The following CUL3 variants were observed in gnomAD, a reference collection of about 807,000 sequenced individuals.
CUL3 encodes cullin-3.
In CUL3, 19 loss-of-function variants were observed where a neutral mutation model predicts 89.1. The ratio of observed to expected loss-of-function variants is 0.21; its 90% CI spans 0.15 to 0.31. CUL3 has a LOEUF of 0.31. CUL3 is among the 10% of genes least tolerant of loss of function. The pLI is 1.00. For synonymous variants in CUL3, 351 were observed against 308.4 expected, an observed-to-expected ratio of 1.14 and a Z score of -1.45; for missense variants, 469 against 942.3, an observed-to-expected ratio of 0.50 and a Z score of 6.58.
intron 3 of CUL3, among the ~76,000 whole-genome samples, chr2:224,534,180 T>C (rs1034378854): frequency 3.9e-5 from 6 of 152,230 alleles, no homozygotes; most frequent in Non-Finnish European, 7.3e-5. Context: ...CGTCATTCTA[T>C]AGCACCAAAT....
chr2:224,505,488 T>C (rs116586035), intron 8 of CUL3, among the ~76,000 whole-genome samples: 1 of 152,086 alleles, frequency 6.6e-6, no homozygotes, highest in Non-Finnish European at 1.5e-5. Context: ...CAGCATAGAG[T>C]GCAGTCACGC....
chr2:224,511,212 A>G (rs1462402360), intron 6 of CUL3, 142 bp downstream of exon 6: 1 of 585,050 alleles, frequency 1.7e-6, no homozygotes, highest in Non-Finnish European at 3.0e-6. Context: ...AAATCCCATT[A>G]AAGTTAACAA....
At chr2:224,560,785 T>TCACAACTCTCAAATGAGTTCTCATTTCCC (rs1233187180) in intron 1 of CUL3, 5 of 152,250 alleles carry the variant, frequency 3.3e-5, no homozygotes, top group African/African-American at 1.2e-4. Context: ...ACTCATTTGC[T>TCACAACTCTCAAATGAGTTCTCATTTCCC]CACAACTCTC....
intron 14 of CUL3, chr2:224,479,440 T>A (rs1691448038): frequency 6.7e-6 from 1 of 149,954 alleles, no homozygotes; most frequent in Non-Finnish European, 1.5e-5. Flanking sequence ...CATGAAAAAA[T>A]AAAAAGATAG....
chr2:224,540,321 G>A (rs1694056404), intron 2 of CUL3, among the ~76,000 whole-genome samples: 1 of 151,888 alleles, frequency 6.6e-6, no homozygotes, highest in Non-Finnish European at 1.5e-5. Flanking sequence ...GCCTCCCAAG[G>A]TGCTGGGATT....
chr2:224,502,855 T>C, intron 10 of CUL3, 110 bp downstream of exon 10: 1 of 722,758 alleles, frequency 1.4e-6, no homozygotes, highest in Non-Finnish European at 2.4e-6. Flanking sequence ...ACACATGTTG[T>C]CACTAATGAC....
At chr2:224,554,271 G>A (rs1694622667) in intron 2 of CUL3, among the ~76,000 whole-genome samples, 1 of 152,068 alleles carries the variant, frequency 6.6e-6, no homozygotes, top group Non-Finnish European at 1.5e-5. Flanking sequence ...AAGTCTCTTC[G>A]TCTCGTTTTC....
At position 224,506,365 on chromosome 2, in the gene CUL3, G is replaced by C. The variant is rs371056159; in HGVS notation, c.1030-233C>G. 6.6e-5 allele frequency among the ~76,000 whole-genome samples: 10 copies of C among 152,058 alleles called. No individual in the cohort carries two copies. The South Asian group carries it at 2.1e-3, about 32-fold the overall frequency. On this transcript the variant is annotated intron_variant, in intron 7 of 15. Transcript: ENST00000264414. Reference sequence around the variant, plus strand: ...ATTAATACAATGCAAACGAACCAAAGAACCTCCTCACTGTTTCTCATTCTC... The same window carrying C: ...ATTAATACAATGCAAACGAACCAAACAACCTCCTCACTGTTTCTCATTCTC...
In CUL3 at chr2:224,540,944, CT is replaced by C. The variant is rs371883049; in HGVS notation, c.265-5304del. ...CCACTGATTAACATTTAATATTAAC[CT>C]TTGGTTTAGAAGAAAAATACCTAGC... On this transcript the variant is annotated intron_variant, in intron 2 of 15. Coordinates refer to ENST00000264414, the MANE Select transcript of CUL3 (RefSeq NM_003590.5). Among the ~76,000 whole-genome samples, 328 of 152,176 alleles carry C rather than the reference CT, an allele frequency of 2.2e-3. 4 individuals carry two copies. Among genetic ancestry groups the C allele is most frequent in the African/African-American group, 7.1e-3 (295 of 41,508 alleles).
chr2:224,525,018 A>C (rs1205328240), intron 3 of CUL3, among the ~76,000 whole-genome samples: 1 of 74,604 alleles, frequency 1.3e-5, no homozygotes, highest in Admixed American at 1.5e-4. Context: ...TAAAGAAAGC[A>C]AAAAAAAAAA....
At chr2:224,523,509 A>C (rs1441903480) in intron 3 of CUL3, among the ~76,000 whole-genome samples, 1 of 152,244 alleles carries the variant, frequency 6.6e-6, no homozygotes, top group East Asian at 1.9e-4. Flanking sequence ...GCAATATAGC[A>C]GTTCCTCAAA....
intron 3 of CUL3, among the ~76,000 whole-genome samples, chr2:224,531,034 T>TTTA (rs1198678534): frequency 6.6e-6 from 1 of 151,946 alleles, no homozygotes; most frequent in African/African-American, 2.4e-5. Flanking sequence ...ATTTAAAAAA[T>TTTA]TTATCTTGTA....
intron 2 of CUL3, among the ~76,000 whole-genome samples, chr2:224,550,708 T>C (rs1298280740): frequency 6.6e-6 from 1 of 152,184 alleles, no homozygotes; most frequent in Non-Finnish European, 1.5e-5. Flanking sequence ...TCTTTCTACA[T>C]CCAAAATATA....
intron 1 of CUL3, among the ~76,000 whole-genome samples, chr2:224,561,133 T>TCC (rs1157272776): frequency 6.6e-6 from 1 of 152,156 alleles, no homozygotes; most frequent in South Asian, 2.1e-4. Context: ...ATTTTCCTGG[T>TCC]CTCCCTCTCT....
intron 6 of CUL3, among the ~76,000 whole-genome samples, chr2:224,509,546 A>C (rs760011144): frequency 2.6e-5 from 4 of 152,244 alleles, no homozygotes; most frequent in Non-Finnish European, 5.9e-5. Flanking sequence ...TTTAATTTAG[A>C]ATCACAGATA....
intron 2 of CUL3, among the ~76,000 whole-genome samples, chr2:224,553,519 C>T (rs1416373647): frequency 3.9e-5 from 6 of 152,046 alleles, no homozygotes; most frequent in Non-Finnish European, 8.8e-5. Context: ...TAAAAACTGC[C>T]TATATTCTGA....
intron 1 of CUL3, among the ~76,000 whole-genome samples, chr2:224,573,441 A>G (rs1449249507): frequency 6.6e-6 from 1 of 152,218 alleles, no homozygotes; most frequent in East Asian, 1.9e-4. Context: ...AACAAGTTAT[A>G]TATTCAAATG....
At chr2:224,543,769 A>G (rs945111778) in intron 2 of CUL3, among the ~76,000 whole-genome samples, 1 of 152,128 alleles carries the variant, frequency 6.6e-6, no homozygotes, top group South Asian at 2.1e-4. Context: ...CAATGGCTTG[A>G]GCTCAGGAAT....
At chr2:224,481,871 G>A in intron 14 of CUL3, 21 bp downstream of exon 14, 1 of 1,419,094 alleles carries the variant, frequency 7.0e-7, no homozygotes, top group Non-Finnish European at 9.3e-7. Flanking sequence ...TTTTTGAGAG[G>A]AAAAATATAA....
Sources: allele counts gnomAD v4.1 joint callset (sites outside exome capture counted in the v4.1 genomes callset), GRCh38; gene constraint gnomAD v4.1.1; transcripts MANE v1.5; gene names NCBI Gene and HGNC (gene_info 2026-07-23, HGNC 2026-07-21).